GRID2: variants seen among roughly 807,000 people sequenced by gnomAD.
GRID2 encodes glutamate receptor ionotropic, delta-2.
Under a neutral mutation model 114.8 loss-of-function variants are expected in GRID2, and 33 were observed. That is an observed-to-expected ratio of 0.29 (90% CI 0.22 to 0.38). GRID2 has a LOEUF of 0.38. Among genes scored for constraint, GRID2 ranks in the 10% least tolerant of loss-of-function variants. The pLI, the probability that GRID2 is intolerant of heterozygous loss-of-function variation, is 1.00. For missense variants in GRID2, 1,184 were observed against 1,257.7 expected, an observed-to-expected ratio of 0.94 and a Z score of 0.89; for synonymous variants, 505 against 449.9, an observed-to-expected ratio of 1.12 and a Z score of -1.55.
intron 1 of GRID2, among the ~76,000 whole-genome samples, chr4:93,803,188 G>A (rs764444199): frequency 4.6e-5 from 7 of 152,106 alleles, no homozygotes; most frequent in Non-Finnish European, 5.9e-5. Context: ...GCAAATAAAA[G>A]AATTAAAATT....
intron 2 of GRID2, among the ~76,000 whole-genome samples, chr4:92,815,695 T>C (rs901723861): frequency 2.0e-5 from 3 of 151,408 alleles, no homozygotes; most frequent in Non-Finnish European, 4.4e-5. Context: ...GGGGGATTGC[T>C]TGAGCAAAGG....
chr4:92,786,814 G>C (rs1436198520), intron 2 of GRID2, among the ~76,000 whole-genome samples: 1 of 151,860 alleles, frequency 6.6e-6, no homozygotes, highest in Non-Finnish European at 1.5e-5. Context: ...CTGGTGAGGG[G>C]AGAGGGAGGA....
Position 92,754,145 on chromosome 4 carries a change from G to A in GRID2, c.244+163859G>A, listed in dbSNP as rs571806504. Among the ~76,000 whole-genome samples, 10 of 152,288 alleles carry A rather than the reference G, an allele frequency of 6.6e-5. No individual in the cohort carries two copies. In the South Asian group the frequency reaches 2.1e-3, roughly 32 times the overall value. The stretch of plus-strand genomic sequence containing the variant: ...CAGATCCCTTAATTACTTGCCTTAG[G>A]AAGGGCATGTAATGGGTGTCTGAAA... On this transcript the variant is annotated intron_variant, in intron 2 of 15. Transcript: ENST00000282020.
At chr4:92,510,988 A>C in intron 1 of GRID2, among the ~76,000 whole-genome samples, 1 of 151,914 alleles carries the variant, frequency 6.6e-6, no homozygotes, top group East Asian at 1.9e-4. Flanking sequence ...GTGAGTAAAT[A>C]TGTAGAATAC....
At chr4:93,429,469 A>G (rs969546924) in intron 10 of GRID2, among the ~76,000 whole-genome samples, 2 of 152,216 alleles carry the variant, frequency 1.3e-5, no homozygotes, top group Non-Finnish European at 2.9e-5. Flanking sequence ...GGTTATTACA[A>G]TGGAAGATTT....
intron 10 of GRID2, among the ~76,000 whole-genome samples, chr4:93,433,824 C>G (rs1324189594): frequency 1.3e-5 from 2 of 152,212 alleles, no homozygotes; most frequent in East Asian, 3.9e-4. Flanking sequence ...ATTTTCCACA[C>G]TTTTCAAGCC....
intron 13 of GRID2, among the ~76,000 whole-genome samples, chr4:93,543,124 T>C (rs1294667182): frequency 1.3e-5 from 2 of 152,190 alleles, no homozygotes; most frequent in South Asian, 2.1e-4. Flanking sequence ...AGAAGAAATA[T>C]GATTTAAATA....
intron 2 of GRID2, among the ~76,000 whole-genome samples, chr4:92,867,405 C>T (rs914312728): frequency 6.6e-6 from 1 of 151,920 alleles, no homozygotes; most frequent in African/African-American, 2.4e-5. Context: ...GTGTGCTCTG[C>T]TGCCACATCT....
intron 2 of GRID2, among the ~76,000 whole-genome samples, chr4:92,797,400 C>A (rs77132448): frequency 4.6e-5 from 7 of 151,938 alleles, no homozygotes; most frequent in African/African-American, 1.7e-4. Flanking sequence ...AATTGTGATA[C>A]TAGCACATTA....
chr4:93,301,004 G>A (rs1415668010), intron 8 of GRID2, among the ~76,000 whole-genome samples: 2 of 152,170 alleles, frequency 1.3e-5, no homozygotes, highest in Non-Finnish European at 2.9e-5. Flanking sequence ...CTGGGTTTAG[G>A]CCAGGCAGGC....
chr4:93,047,169 G>T (rs906708593), intron 2 of GRID2, among the ~76,000 whole-genome samples: 3 of 151,814 alleles, frequency 2.0e-5, no homozygotes, highest in Non-Finnish European at 2.9e-5. Flanking sequence ...AACTGACAAG[G>T]TTATAAAAAA....
intron 2 of GRID2, among the ~76,000 whole-genome samples, chr4:93,034,956 C>T (rs1029906763): frequency 6.6e-6 from 1 of 152,112 alleles, no homozygotes; most frequent in African/African-American, 2.4e-5. Flanking sequence ...ACAACATAGT[C>T]ACCATTCAGC....
rs565949301 is a variant in GRID2 at position 92,955,813 on chromosome 4, C to A, written c.245-129182C>A. Among the ~76,000 whole-genome samples, 35 of 152,174 alleles carry A rather than the reference C, an allele frequency of 2.3e-4. No individual in the cohort carries two copies. In the South Asian group the frequency reaches 6.7e-3, roughly 29 times the overall value. On this transcript the variant is annotated intron_variant, in intron 2 of 15. Transcript: ENST00000282020. ...TTTGTATAAGGTGTAAGGAAGGGAT[C>A]CAGTTTCAGCTTTCTACATATGGCT... is the stretch of plus-strand genomic sequence containing the variant.
At chr4:93,057,642 A>G (rs748222120) in intron 2 of GRID2, among the ~76,000 whole-genome samples, 10 of 151,872 alleles carry the variant, frequency 6.6e-5, no homozygotes, top group Non-Finnish European at 8.8e-5. Flanking sequence ...ATTGACTACA[A>G]CTGTGTCAAT....
chr4:92,458,049 T>C (rs1304269482), intron 1 of GRID2, among the ~76,000 whole-genome samples: 1 of 152,210 alleles, frequency 6.6e-6, no homozygotes, highest in Non-Finnish European at 1.5e-5. Context: ...TAGAATAGCA[T>C]GAAGGACTTT....
At chr4:93,318,904 A>T (rs2149204857) in intron 8 of GRID2, 1 of 152,284 alleles carries the variant, frequency 6.6e-6, no homozygotes, top group Admixed American at 6.5e-5. Context: ...AAAATTAGGC[A>T]AAATTTATTT....
intron 2 of GRID2, among the ~76,000 whole-genome samples, chr4:92,842,312 G>T (rs945398155): frequency 2.6e-5 from 4 of 152,114 alleles, no homozygotes; most frequent in Non-Finnish European, 4.4e-5. Context: ...GAGACGGCAT[G>T]CCTGCAATGC....
intron 2 of GRID2, among the ~76,000 whole-genome samples, chr4:92,805,174 C>A (rs892540509): frequency 6.6e-6 from 1 of 151,918 alleles, no homozygotes; most frequent in Non-Finnish European, 1.5e-5. Context: ...TACTGCAGTG[C>A]AGCTTTTTAC....
chr4:92,819,478 CA>C lies in GRID2; in HGVS notation c.244+229195del, dbSNP rs1307661696. Among the ~76,000 whole-genome samples, 199 of 152,122 alleles carry C rather than the reference CA, an allele frequency of 1.3e-3. 1 individual carries two copies. Among genetic ancestry groups the C allele is most frequent in the African/African-American group, 4.5e-3 (185 of 41,514 alleles). On this transcript the variant is annotated intron_variant, in intron 2 of 15. Transcript: ENST00000282020. The stretch of plus-strand genomic sequence containing the variant: ...AGAATCACATGGGCAGGATAAAACC[CA>C]AACAGCCTCACTCAGTAACTATGTG...
Sources: allele counts gnomAD v4.1 joint callset (sites outside exome capture counted in the v4.1 genomes callset), GRCh38; gene constraint gnomAD v4.1.1; transcripts MANE v1.5; gene names NCBI Gene and HGNC (gene_info 2026-07-23, HGNC 2026-07-21).